CADPS2: variants seen among roughly 807,000 people sequenced by gnomAD.
CADPS2 encodes calcium dependent secretion activator 2.
A neutral mutation model predicts 172.5 loss-of-function variants in CADPS2; 93 were observed. The observed-to-expected ratio is 0.54, with a 90% CI of 0.46 to 0.64. The LOEUF (loss-of-function observed/expected upper bound fraction) is 0.64. Ranked by LOEUF, CADPS2 falls within the 30% of genes least tolerant of loss-of-function variation. CADPS2 has a pLI of 0.00. For missense variants in CADPS2, 1,420 were observed against 1,565.9 expected, an observed-to-expected ratio of 0.91 and a Z score of 1.57; for synonymous variants, 546 against 555.2, an observed-to-expected ratio of 0.98 and a Z score of 0.23.
chr7:122,834,798 T>C (rs944626358), intron 1 of CADPS2, among the ~76,000 whole-genome samples: 8 of 152,140 alleles, frequency 5.3e-5, no homozygotes, highest in African/African-American at 1.7e-4. Context: ...AAGCTCGAAC[T>C]GGGTGGAGCC....
In CADPS2 at chr7:122,393,300, A is replaced by G. The variant is rs775174701; in HGVS notation, c.2904T>C (p.Ser968=). The part of the protein sequence containing the change: ...TWQPVKNIAN[S]LPNVALPKVP... ...CTTTTGGAAGAGCTACATTGGGAAG[A>G]CTGTTGGCGATATTCCTGTAAAGAA... The change falls in exon 22 of 30, where the codon AGT becomes AGC. Residue 968 remains serine (S), a synonymous_variant. Transcript: ENST00000449022. 1.2e-6 allele frequency: 2 copies of G among 1,613,906 alleles called. No individual in the cohort carries two copies. Among genetic ancestry groups the G allele is most frequent in the Admixed American group, 3.3e-5 (2 of 60,016 alleles).
At chr7:122,566,169 A>C (rs1387305667) in intron 7 of CADPS2, among the ~76,000 whole-genome samples, 1 of 152,170 alleles carries the variant, frequency 6.6e-6, no homozygotes, top group African/African-American at 2.4e-5. Flanking sequence ...AACATCGCTA[A>C]TCATCAGGGA....
rs985787426 is a variant in CADPS2 at position 122,886,268 on chromosome 7, C to G, written c.70G>C (p.Val24Leu). ...GCTCGCTGCGAGCTGCCGGCTGCCA[C>G]CAGCACATCGCGGCTTTCCTCTTCC... Reference protein sequence around the residue: ...GLEEESRDVLVAAGSSQRAPP... With the variant: ...GLEEESRDVLLAAGSSQRAPP... Residue 24 changes from valine to leucine, a missense_variant, in exon 1 of 30, where the codon GTG becomes CTG. Coordinates refer to ENST00000449022, the MANE Select transcript of CADPS2 (RefSeq NM_017954.11). The G allele has an allele frequency of 1.9e-5, 29 of 1,505,444 alleles. No homozygotes were observed. The African/African-American group carries it at 3.1e-4, about 16-fold the overall frequency. The allele number at this position is 1,505,444 out of a possible 1,614,324, so 93.3% of individuals were successfully genotyped here. A position where few individuals can be genotyped will look rare whatever the true frequency, so the allele number is the denominator to read the frequency against.
chr7:122,407,453 G>T, intron 20 of CADPS2, 87 bp downstream of exon 20: 1 of 1,377,158 alleles, frequency 7.3e-7, no homozygotes, highest in Non-Finnish European at 9.9e-7. Flanking sequence ...TGTCAGGCCG[G>T]TGTGAGGGCA....
intron 3 of CADPS2, among the ~76,000 whole-genome samples, chr7:122,629,699 C>T (rs2076398299): frequency 6.6e-6 from 1 of 152,048 alleles, no homozygotes; most frequent in Non-Finnish European, 1.5e-5. Flanking sequence ...TTTCTTTGTA[C>T]TTTAAAAAAA....
At chr7:122,617,745 C>T (rs2075089413) in intron 5 of CADPS2, among the ~76,000 whole-genome samples, 1 of 152,054 alleles carries the variant, frequency 6.6e-6, no homozygotes, top group Non-Finnish European at 1.5e-5. Flanking sequence ...AGAATTCAGT[C>T]TAAAAAATCA....
intron 1 of CADPS2, among the ~76,000 whole-genome samples, chr7:122,746,679 A>G (rs2138204902): frequency 6.6e-6 from 1 of 152,088 alleles, no homozygotes; most frequent in East Asian, 1.9e-4. Context: ...TTTAAAGTTT[A>G]CAAATTTGTG....
At chr7:122,474,057 T>TA (rs75813679) in intron 13 of CADPS2, among the ~76,000 whole-genome samples, 40,052 of 152,010 alleles carry the variant, frequency 0.26, 5,739 homozygotes, top group East Asian at 0.38. Context: ...ACAGAGGTTT[T>TA]AAAAAATCTT....
At chr7:122,833,243 T>C (rs1265036730) in intron 1 of CADPS2, among the ~76,000 whole-genome samples, 1 of 152,240 alleles carries the variant, frequency 6.6e-6, no homozygotes, top group Non-Finnish European at 1.5e-5. Flanking sequence ...TATTTAGTTG[T>C]TTGCGCTGTT....
chr7:122,854,850 ATAC>A (rs1814727562), intron 1 of CADPS2, among the ~76,000 whole-genome samples: 1 of 152,256 alleles, frequency 6.6e-6, no homozygotes, highest in Non-Finnish European at 1.5e-5. Context: ...TAGGTATTAG[ATAC>A]TACTTAGTTT....
chr7:122,856,388 TCTCA>T (rs745735819), intron 1 of CADPS2, among the ~76,000 whole-genome samples: 5 of 152,328 alleles, frequency 3.3e-5, no homozygotes, highest in African/African-American at 9.6e-5. Context: ...CTTGCTTGCT[TCTCA>T]CTCTATTTCT....
At chr7:122,393,065 T>TAA (rs370397056) in intron 22 of CADPS2, 131 bp downstream of exon 22, 3,358 of 866,388 alleles carry the variant, frequency 3.9e-3, no homozygotes, top group South Asian at 5.8e-3. Flanking sequence ...AAAACTCAAA[T>TAA]AAAAAAAAAA....
chr7:122,329,475 C>T lies in CADPS2; in HGVS notation c.3613-3894G>A, dbSNP rs979721778. ...AGTCCCAGACTCGGCAATTTTCTAA[C>T]AAGGATTAAAGTTGTTTCTCCGCAG... On this transcript the variant is annotated intron_variant, in intron 28 of 29. Coordinates refer to ENST00000449022, the MANE Select transcript of CADPS2 (RefSeq NM_017954.11). 2.0e-5 allele frequency among the ~76,000 whole-genome samples: 3 copies of T among 152,272 alleles called. No individual in the cohort carries two copies. In the South Asian group the frequency reaches 6.2e-4, roughly 32 times the overall value.
chr7:122,853,298 T>A (rs868810025), intron 1 of CADPS2, among the ~76,000 whole-genome samples: 39 of 152,172 alleles, frequency 2.6e-4, no homozygotes, highest in Admixed American at 2.2e-3. Context: ...AGTGGCCACA[T>A]CCTCCATTAT....
At chr7:122,477,037 GGAGAGGAGAGAGAGAA>G (rs1563448572) in intron 12 of CADPS2, among the ~76,000 whole-genome samples, 28 of 78,960 alleles carry the variant, frequency 3.5e-4, no homozygotes, top group Admixed American at 7.8e-4. Context: ...GGAGAGGAGA[GGAGAGGAGAGAGAGAA>G]GAGAGAGAGA....
At chr7:122,379,326 T>G in intron 25 of CADPS2, 42 bp downstream of exon 25, 2 of 1,297,996 alleles carry the variant, frequency 1.5e-6, no homozygotes. Context: ...CCATTGACAA[T>G]TTTTCACTTT....
chr7:122,460,991 T>C (rs1275878061), intron 14 of CADPS2, among the ~76,000 whole-genome samples: 1 of 152,226 alleles, frequency 6.6e-6, no homozygotes, highest in Non-Finnish European at 1.5e-5. Flanking sequence ...ATTTCTATAT[T>C]GTCCATGACT....
At chr7:122,758,778 A>G (rs1018479030) in intron 1 of CADPS2, among the ~76,000 whole-genome samples, 1 of 152,128 alleles carries the variant, frequency 6.6e-6, no homozygotes, top group Non-Finnish European at 1.5e-5. Flanking sequence ...TTATTTTTCT[A>G]CCATGAAAGC....
intron 1 of CADPS2, among the ~76,000 whole-genome samples, chr7:122,876,069 C>T (rs1238863719): frequency 6.6e-6 from 1 of 152,096 alleles, no homozygotes; most frequent in African/African-American, 2.4e-5. Flanking sequence ...GCCTGTAATC[C>T]CAGCACTTTG....
Sources: allele counts gnomAD v4.1 joint callset (sites outside exome capture counted in the v4.1 genomes callset), GRCh38; gene constraint gnomAD v4.1.1; transcripts MANE v1.5; gene names NCBI Gene and HGNC (gene_info 2026-07-23, HGNC 2026-07-21).